Variants in ZNRF1 observed in about 807,000 individuals in gnomAD.
ZNRF1 encodes the protein zinc and ring finger 1, also known as E3 ubiquitin-protein ligase ZNRF1.
Under a neutral mutation model 18.4 loss-of-function variants are expected in ZNRF1, and 3 were observed. The observed-to-expected ratio is 0.16, with a 90% CI of 0.07 to 0.42. The LOEUF is 0.42. ZNRF1 is among the 10% of genes least tolerant of loss of function. ZNRF1 has a pLI of 0.99. For missense variants in ZNRF1, 310 were observed against 329.8 expected, an observed-to-expected ratio of 0.94 and a Z score of 0.47; for synonymous variants, 157 against 144.2, an observed-to-expected ratio of 1.09 and a Z score of -0.64.
At chr16:75,010,883 T>TA (rs1236181155) in intron 1 of ZNRF1, among the ~76,000 whole-genome samples, 1 of 152,098 alleles carries the variant, frequency 6.6e-6, no homozygotes, top group African/African-American at 2.4e-5. Context: ...GCTAATTTTG[T>TA]ACTTTTAGTA....
intron 1 of ZNRF1, among the ~76,000 whole-genome samples, chr16:75,080,943 G>A (rs1372541239): frequency 1.3e-5 from 2 of 152,100 alleles, no homozygotes; most frequent in Admixed American, 6.5e-5. Context: ...GGAGGCCAAG[G>A]TGGGCGGATC....
rs1165011147 is a variant in ZNRF1, at chr16:75,050,870, C to CAAAAAAAAAAAAAAAA, written c.425-42699_425-42684dup. Among the ~76,000 whole-genome samples, 2 of 9,232 alleles carry CAAAAAAAAAAAAAAAA rather than the reference C, an allele frequency of 2.2e-4. 1 individual carries two copies. Among genetic ancestry groups the CAAAAAAAAAAAAAAAA allele is most frequent in the African/African-American group, 4.1e-4 (2 of 4,886 alleles). The allele number at this position is 9,232 out of a possible 152,430, so 6.1% of individuals were successfully genotyped here. A position where few individuals can be genotyped will look rare whatever the true frequency, so the allele number is the denominator to read the frequency against. On this transcript the variant is annotated intron_variant, in intron 1 of 4. Transcript: ENST00000335325. The stretch of plus-strand genomic sequence containing the variant: ...TGGGCGACAGAGCAAGACTCCGTCT[C>CAAAAAAAAAAAAAAAA]AAAAAAAAAAAAAAAAAACAAAAAA...
In ZNRF1 at chr16:74,999,691, C is replaced by T; in HGVS notation, c.20C>T (p.Thr7Met). The stretch of plus-strand genomic sequence containing the variant: ...GCGAGCATGGGGGGCAAGCAGAGCA[C>T]GGCGGCCCGCTCCCGGGGCCCCTTC... MGGKQS[T>M]AARSRGPFPG... The change falls in exon 1 of 5, where the codon ACG becomes ATG. Residue 7 changes from threonine to methionine, a missense_variant. Thr to Met is a moderately conservative substitution (Grantham distance 81, BLOSUM62 -1). This residue lies in a region of ZNRF1 where 293 missense variants were observed against 291.2 expected (regional missense o/e 1.01). Transcript: ENST00000335325. 7.3e-7 allele frequency: 1 copy of T among 1,361,246 alleles called. No individual in the cohort carries two copies. Among genetic ancestry groups the T allele is most frequent in the Non-Finnish European group, 9.4e-7 (1 of 1,063,396 alleles). 84.3% of individuals were successfully genotyped at this position (1,361,246 alleles called of 1,614,324 possible).
At chr16:75,020,876 C>T (rs765575932) in intron 1 of ZNRF1, among the ~76,000 whole-genome samples, 1 of 151,934 alleles carries the variant, frequency 6.6e-6, no homozygotes, top group African/African-American at 2.4e-5. Flanking sequence ...TTTCATTATT[C>T]TACCATTTGG....
intron 1 of ZNRF1, chr16:75,000,347 A>G (rs1567460879): frequency 1.0e-5 from 7 of 677,162 alleles, no homozygotes; most frequent in Non-Finnish European, 1.9e-5. Flanking sequence ...AAGCCTACCT[A>G]TTGGAGTTCC....
At chr16:75,097,465 C>A (rs1471767941) in intron 2 of ZNRF1, among the ~76,000 whole-genome samples, 1 of 152,184 alleles carries the variant, frequency 6.6e-6, no homozygotes, top group Non-Finnish European at 1.5e-5. Context: ...TCTTCCTCCC[C>A]TCTGCCAAAG....
rs57755915 is a variant in ZNRF1 at position 75,068,188 on chromosome 16, T to TA, written c.425-25358dup. Among the ~76,000 whole-genome samples, 706 of 88,934 alleles carry TA rather than the reference T, an allele frequency of 7.9e-3. 22 individuals are homozygous for TA. Among genetic ancestry groups the TA allele is most frequent in the South Asian group, 0.052 (114 of 2,202 alleles). 58.3% of individuals were successfully genotyped at this position (88,934 alleles called of 152,430 possible). A position where few individuals can be genotyped will look rare whatever the true frequency, so the allele number is the denominator to read the frequency against. On this transcript the variant is annotated intron_variant, in intron 1 of 4. Coordinates refer to ENST00000335325, the MANE Select transcript of ZNRF1 (RefSeq NM_032268.5). Reference sequence around the variant, plus strand: ...GGTGAAAAAGAGCGAGACCTTGTCTTAAAAAAAAAAAAAAAAAAAAAAAAA... The same window carrying TA: ...GGTGAAAAAGAGCGAGACCTTGTCTTAAAAAAAAAAAAAAAAAAAAAAAAAA...
intron 1 of ZNRF1, among the ~76,000 whole-genome samples, chr16:75,076,823 T>C (rs73614087): frequency 1.1e-3 from 166 of 151,744 alleles, no homozygotes; most frequent in African/African-American, 3.7e-3. Flanking sequence ...GAATTATTAG[T>C]GCCCCCAGAA....
intron 1 of ZNRF1, among the ~76,000 whole-genome samples, chr16:75,049,335 T>A (rs563973452): frequency 8.1e-4 from 124 of 152,170 alleles, no homozygotes; most frequent in Middle Eastern, 3.4e-3. Flanking sequence ...TTTAATCTTT[T>A]AAAAATTTTT....
rs2036351541 is a variant in ZNRF1 at position 75,109,157 on chromosome 16, G to C, written c.*1457G>C. 1 of 152,300 alleles carries C rather than the reference G, an allele frequency of 6.6e-6. No homozygotes were observed. The highest frequency in any genetic ancestry group is 1.5e-5 in the Non-Finnish European group (1 of 68,104). 9.4% of individuals were successfully genotyped at this position (152,300 alleles called of 1,614,324 possible). A position where few individuals can be genotyped will look rare whatever the true frequency, so the allele number is the denominator to read the frequency against. ...CATGCTTCATTGAGGCCCAGGAAGA[G>C]GCCCTGGTTTGGGGCTGTGCCAGCT... On this transcript the variant is annotated 3_prime_UTR_variant, in exon 5 of 5. Transcript: ENST00000335325.
In ZNRF1 at chr16:75,029,756, G is replaced by A. The variant is rs577164329; in HGVS notation, c.424+29661G>A. On this transcript the variant is annotated intron_variant, in intron 1 of 4. Transcript: ENST00000335325. ...TGCACTCTAGCCTGGGTAACAGAGC[G>A]AGACTCCATCTCAGAACAAACAAAC... 1.2e-4 allele frequency among the ~76,000 whole-genome samples: 18 copies of A among 150,960 alleles called. No individual in the cohort carries two copies. The South Asian group carries it at 1.5e-3, about 12-fold the overall frequency.
chr16:75,088,454 A>G (rs527417782), intron 1 of ZNRF1, among the ~76,000 whole-genome samples: 28 of 152,358 alleles, frequency 1.8e-4, no homozygotes, highest in African/African-American at 6.7e-4. Flanking sequence ...AGGAAAAAAA[A>G]GTGTCCATTG....
intron 1 of ZNRF1, among the ~76,000 whole-genome samples, chr16:75,005,723 G>T (rs149781726): frequency 6.6e-6 from 1 of 152,078 alleles, no homozygotes; most frequent in African/African-American, 2.4e-5. Flanking sequence ...ATAAAAGCTC[G>T]ACAGCAGTAA....
chr16:75,072,532 G>T (rs552077712), intron 1 of ZNRF1, among the ~76,000 whole-genome samples: 40 of 152,300 alleles, frequency 2.6e-4, no homozygotes, highest in African/African-American at 9.6e-4. Flanking sequence ...CCAGTCCAGT[G>T]CCTGACACAG....
chr16:75,005,976 A>G (rs1255460011), intron 1 of ZNRF1, among the ~76,000 whole-genome samples: 1 of 152,180 alleles, frequency 6.6e-6, no homozygotes, highest in East Asian at 1.9e-4. Flanking sequence ...CTCCTAGGCT[A>G]CAAACCTGTG....
Position 74,999,312 on chromosome 16 carries a change from G to T in ZNRF1, c.-360G>T, listed in dbSNP as rs1001099475. On this transcript the variant is annotated 5_prime_UTR_variant, in exon 1 of 5. Coordinates refer to ENST00000335325, the MANE Select transcript of ZNRF1 (RefSeq NM_032268.5). ...CCTCCTCCGGCGCCTCCCCGCGCCC[G>T]CCCGCCGCTCGCCGCCGCCTCCCTC... 6.6e-6 allele frequency: 1 copy of T among 151,606 alleles called. No individual in the cohort carries two copies. Among genetic ancestry groups the T allele is most frequent in the African/African-American group, 2.4e-5 (1 of 41,168 alleles). 9.4% of individuals were successfully genotyped at this position (151,606 alleles called of 1,614,324 possible).
chr16:75,109,027 T>C lies in ZNRF1; in HGVS notation c.*1327T>C, dbSNP rs1463852269. 1 of 154,082 alleles carries C rather than the reference T, an allele frequency of 6.5e-6. No individual in the cohort carries two copies. Among genetic ancestry groups the C allele is most frequent in the East Asian group, 1.9e-4 (1 of 5,290 alleles). 9.5% of individuals were successfully genotyped at this position (154,082 alleles called of 1,614,324 possible). On this transcript the variant is annotated 3_prime_UTR_variant, in exon 5 of 5. Transcript: ENST00000335325. The stretch of plus-strand genomic sequence containing the variant: ...CCGGAGGCTGCAAGGATGTGGGTTC[T>C]TCCAGGTGTGGGCCCAGCCCCCCTC...
intron 1 of ZNRF1, among the ~76,000 whole-genome samples, chr16:75,001,351 A>C (rs1411050841): frequency 6.6e-6 from 1 of 152,088 alleles, no homozygotes; most frequent in African/African-American, 2.4e-5. Context: ...TAATTTGTGA[A>C]ATAGTGTTGG....
intron 2 of ZNRF1, among the ~76,000 whole-genome samples, chr16:75,100,711 C>T (rs1312631076): frequency 6.6e-6 from 1 of 152,154 alleles, no homozygotes; most frequent in Non-Finnish European, 1.5e-5. Context: ...CCCAGGAAAT[C>T]CTCCTTAAGT....
Sources: allele counts gnomAD v4.1 joint callset (sites outside exome capture counted in the v4.1 genomes callset), GRCh38; gene constraint gnomAD v4.1.1; regional missense constraint gnomAD v4.1.1; transcripts MANE v1.5; gene names NCBI Gene and HGNC (gene_info 2026-07-23, HGNC 2026-07-21).